The following CATSPERE variants were observed in gnomAD, a reference collection of about 807,000 sequenced individuals.
The protein encoded by CATSPERE is catsper channel auxiliary subunit epsilon, also known as cation channel sperm-associated auxiliary subunit epsilon.
Under a neutral mutation model 114.1 loss-of-function variants are expected in CATSPERE, and 93 were observed. The ratio of observed to expected loss-of-function variants is 0.81; its 90% CI spans 0.69 to 0.97. The LOEUF (loss-of-function observed/expected upper bound fraction) is 0.97, where lower values mean the gene tolerates loss of function less well. Ranked by LOEUF, CATSPERE falls within the 50% of genes least tolerant of loss-of-function variation. The probability of loss-of-function intolerance (pLI) is 0.00; values close to 1 mark genes in which losing one functional copy is unlikely to be tolerated. For synonymous variants in CATSPERE, 341 were observed against 384.1 expected (o/e 0.89, Z 1.31); for missense variants, 1,058 against 1,131.6 (o/e 0.93, Z 0.93).
intron 14 of CATSPERE, among the ~76,000 whole-genome samples, chr1:244,590,404 G>A (rs564252052): frequency 6.6e-6 from 1 of 152,130 alleles, no homozygotes; most frequent in Non-Finnish European, 1.5e-5. Context: ...GTGCATGTGT[G>A]TTTTACCATG....
chr1:244,502,846 C>T (rs978955265), intron 7 of CATSPERE, among the ~76,000 whole-genome samples: 1 of 152,144 alleles, frequency 6.6e-6, no homozygotes, highest in Non-Finnish European at 1.5e-5. Flanking sequence ...TGAAAATTGT[C>T]CAACAGAAGA....
chr1:244,583,050 A>T (rs1023377289), intron 12 of CATSPERE, among the ~76,000 whole-genome samples: 2 of 151,816 alleles, frequency 1.3e-5, no homozygotes, highest in African/African-American at 4.9e-5. Flanking sequence ...GGAGAGGCTG[A>T]ATTCCTTTCT....
At chr1:244,451,644 G>A (rs776784243), upstream of CATSPERE, 10 of 1,609,200 alleles carry the variant, frequency 6.2e-6, no homozygotes, top group Admixed American at 1.7e-5. This position sits in a 1 kb window ranked among gnomAD's most constrained non-coding sequence, Gnocchi z 6.6. Context: ...CCTGGCAGCG[G>A]CACACGATGT....
chr1:244,564,892 A>T (rs1446092458), intron 10 of CATSPERE, among the ~76,000 whole-genome samples: 8 of 152,108 alleles, frequency 5.3e-5, no homozygotes, highest in Non-Finnish European at 1.2e-4. Context: ...GTTTGTCATA[A>T]ATAGCTTTTA....
intron 2 of CATSPERE, among the ~76,000 whole-genome samples, chr1:244,473,717 C>G (rs1163268679): frequency 1.3e-5 from 2 of 151,988 alleles, no homozygotes; most frequent in Non-Finnish European, 2.9e-5. Context: ...TTACTTTAGT[C>G]TTTCTGGGTC....
chr1:244,475,531 G>C (rs1572271985), intron 2 of CATSPERE, among the ~76,000 whole-genome samples: 1 of 142,338 alleles, frequency 7.0e-6, no homozygotes, highest in Admixed American at 7.3e-5. Context: ...ACTGCACCTG[G>C]CCACAATTTT....
chr1:244,608,485 G>A (rs1670288691), intron 18 of CATSPERE, among the ~76,000 whole-genome samples: 1 of 151,090 alleles, frequency 6.6e-6, no homozygotes, highest in South Asian at 2.1e-4. Flanking sequence ...GCAGTGAGCT[G>A]TGATCATGCC....
Position 244,581,793 on chromosome 1 carries a change from C to T in CATSPERE, c.1951-3C>T. On this transcript the variant is annotated splice_polypyrimidine_tract_variant and splice_region_variant and intron_variant, in intron 11 of 21. Coordinates refer to ENST00000366534, the MANE Select transcript of CATSPERE (RefSeq NM_001130957.2). Reference sequence around the variant, plus strand: ...ACATAAATTTTAAATTTTCTTTTTTCAGACACTAACATTTTATCAGAATGT... The same window carrying T: ...ACATAAATTTTAAATTTTCTTTTTTTAGACACTAACATTTTATCAGAATGT... 1 of 1,296,082 alleles carries T rather than the reference C, an allele frequency of 7.7e-7. No homozygotes were observed. Among genetic ancestry groups the T allele is most frequent in the Non-Finnish European group, 1.1e-6 (1 of 921,792 alleles). The allele number at this position is 1,296,082 out of a possible 1,614,324, so 80.3% of individuals were successfully genotyped here. A position where few individuals can be genotyped will look rare whatever the true frequency, so the allele number is the denominator to read the frequency against.
At chr1:244,578,205 G>A (rs1176810047) in intron 11 of CATSPERE, among the ~76,000 whole-genome samples, 1 of 152,168 alleles carries the variant, frequency 6.6e-6, no homozygotes, top group Non-Finnish European at 1.5e-5. Flanking sequence ...CCAGGCTGGA[G>A]TGCAGCGGTG....
At chr1:244,603,641 T>C (rs1669574829) in intron 17 of CATSPERE, among the ~76,000 whole-genome samples, 2 of 151,526 alleles carry the variant, frequency 1.3e-5, no homozygotes, top group Middle Eastern at 3.4e-3. Flanking sequence ...TTGCAAAAGA[T>C]GCCAGCTCAG....
chr1:244,551,803 G>A (rs993140144), intron 8 of CATSPERE, among the ~76,000 whole-genome samples: 27 of 152,066 alleles, frequency 1.8e-4, no homozygotes, highest in African/African-American at 6.5e-4. Context: ...GGTGGCTCAC[G>A]CCTGTAATCC....
chr1:244,536,827 T>C (rs1680461053), intron 8 of CATSPERE, among the ~76,000 whole-genome samples: 2 of 152,244 alleles, frequency 1.3e-5, no homozygotes, highest in South Asian at 4.1e-4. Context: ...AGGCTTCTAT[T>C]CACTCATCCT....
At chr1:244,480,872 C>CG (rs1422926351) in intron 5 of CATSPERE, among the ~76,000 whole-genome samples, 2 of 152,138 alleles carry the variant, frequency 1.3e-5, no homozygotes, top group Admixed American at 6.5e-5. Context: ...CTCATGAAAC[C>CG]GGCAGGCTTC....
chr1:244,476,602 C>T (rs958853697), intron 2 of CATSPERE, among the ~76,000 whole-genome samples: 6 of 152,038 alleles, frequency 3.9e-5, no homozygotes, highest in Middle Eastern at 3.2e-3. Flanking sequence ...CTCCATTTTC[C>T]GAGTTAAAAC....
At chr1:244,552,137 T>C (rs3003217) in intron 8 of CATSPERE, among the ~76,000 whole-genome samples, 185 bp from the exon 9 acceptor site, 130,530 of 150,066 alleles carry the variant, frequency 0.87, 57,743 homozygotes, top group East Asian at 1. Context: ...AGAGTCAAGA[T>C]TGTGTTCCTT....
chr1:244,558,902 C>T (rs1234717965), intron 9 of CATSPERE, among the ~76,000 whole-genome samples: 1 of 152,212 alleles, frequency 6.6e-6, no homozygotes, highest in Non-Finnish European at 1.5e-5. Context: ...CCTTACCCCA[C>T]TCCTAGTCAC....
intron 5 of CATSPERE, among the ~76,000 whole-genome samples, chr1:244,481,464 TAAAC>T (rs1313947494): frequency 3.3e-5 from 5 of 151,840 alleles, no homozygotes; most frequent in Non-Finnish European, 7.4e-5. Flanking sequence ...AATAAATAAA[TAAAC>T]AAATAAAAAT....
At chr1:244,589,240 G>A (rs7523142) in intron 14 of CATSPERE, among the ~76,000 whole-genome samples, 27,146 of 152,034 alleles carry the variant, frequency 0.18, 3,422 homozygotes, top group East Asian at 0.39. Context: ...AGTGAGAGTC[G>A]GGGAACATTG....
intron 20 of CATSPERE, among the ~76,000 whole-genome samples, chr1:244,619,282 T>A (rs934862016): frequency 3.7e-4 from 57 of 152,286 alleles, no homozygotes; most frequent in Middle Eastern, 3.4e-3. Context: ...CACCCACTGT[T>A]AAGGAATTTG....
Sources: allele counts gnomAD v4.1 joint callset (sites outside exome capture counted in the v4.1 genomes callset), GRCh38; gene constraint gnomAD v4.1.1; non-coding constraint Gnocchi (gnomAD v3.1); transcripts MANE v1.5; gene names NCBI Gene and HGNC (gene_info 2026-07-23, HGNC 2026-07-21).